LYN: variants seen among roughly 807,000 people sequenced by gnomAD.
The protein encoded by LYN is LYN proto-oncogene, Src family tyrosine kinase.
In LYN, 12 loss-of-function variants were observed where a neutral mutation model predicts 65.0. The ratio of observed to expected loss-of-function variants is 0.18; its 90% CI spans 0.12 to 0.30. The LOEUF (loss-of-function observed/expected upper bound fraction) is 0.30, where lower values mean the gene tolerates loss of function less well. Among genes scored for constraint, LYN ranks in the 10% least tolerant of loss-of-function variants. The probability of loss-of-function intolerance (pLI) is 1.00; values close to 1 mark genes in which losing one functional copy is unlikely to be tolerated. For missense variants in LYN, 380 were observed against 623.2 expected, an observed-to-expected ratio of 0.61 and a Z score of 4.16; for synonymous variants, 222 against 221.2, an observed-to-expected ratio of 1.00 and a Z score of -0.03.
intron 1 of LYN, among the ~76,000 whole-genome samples, chr8:55,931,299 G>A (rs1285551556): frequency 6.7e-6 from 1 of 150,104 alleles, no homozygotes. Flanking sequence ...TGTATAACTT[G>A]TCTATGTATT....
chr8:55,887,367 T>A (rs1804826723), intron 1 of LYN, among the ~76,000 whole-genome samples: 1 of 152,056 alleles, frequency 6.6e-6, no homozygotes, highest in African/African-American at 2.4e-5. Context: ...TATGGACACA[T>A]CATCTATAAA....
chr8:56,004,262 T>C (rs1259006828), intron 12 of LYN, among the ~76,000 whole-genome samples: 3 of 151,004 alleles, frequency 2.0e-5, no homozygotes, highest in African/African-American at 7.3e-5. Context: ...AAGTAATATA[T>C]GCACATTAAA....
At chr8:55,913,479 T>C (rs530490455) in intron 1 of LYN, among the ~76,000 whole-genome samples, 1 of 152,256 alleles carries the variant, frequency 6.6e-6, no homozygotes, top group East Asian at 1.9e-4. Flanking sequence ...AAACACCAAC[T>C]TGAATAAAAC....
Position 56,010,548 on chromosome 8 carries a change from T to A in LYN, c.*438T>A, listed in dbSNP as rs1488546515. The A allele has an allele frequency of 4.3e-6, 1 of 231,842 alleles. No homozygotes were observed. Among genetic ancestry groups the A allele is most frequent in the African/African-American group, 2.2e-5 (1 of 45,108 alleles). The allele number at this position is 231,842 out of a possible 1,614,324, so 14.4% of individuals were successfully genotyped here. A position where few individuals can be genotyped will look rare whatever the true frequency, so the allele number is the denominator to read the frequency against. The stretch of plus-strand genomic sequence containing the variant: ...CCGGATATATACATAGCATGACATT[T>A]CTTTGTGCTTTGGCTTACTTGTTTA... On this transcript the variant is annotated 3_prime_UTR_variant, in exon 13 of 13. Transcript: ENST00000519728.
intron 1 of LYN, among the ~76,000 whole-genome samples, chr8:55,921,629 G>C (rs1227196502): frequency 6.6e-6 from 1 of 152,132 alleles, no homozygotes; most frequent in African/African-American, 2.4e-5. Context: ...AGGAGTGCAT[G>C]AGCCAAGATG....
chr8:55,891,294 G>A (rs891630557), intron 1 of LYN, among the ~76,000 whole-genome samples: 1 of 151,600 alleles, frequency 6.6e-6, no homozygotes, highest in Non-Finnish European at 1.5e-5. Context: ...AGAGGTTGCA[G>A]TGAGTCGAGA....
intron 1 of LYN, among the ~76,000 whole-genome samples, chr8:55,906,072 C>G (rs1183174759): frequency 1.3e-5 from 2 of 152,166 alleles, no homozygotes; most frequent in Admixed American, 6.5e-5. Context: ...TGTGCAGTTA[C>G]GCAGCACCTG....
At chr8:55,924,612 C>G (rs549703253) in intron 1 of LYN, among the ~76,000 whole-genome samples, 30 of 151,954 alleles carry the variant, frequency 2.0e-4, no homozygotes, top group Non-Finnish European at 2.6e-4. Context: ...AATCCACCCC[C>G]CTTGGCCTCC....
chr8:55,920,061 A>C (rs530519145), intron 1 of LYN, among the ~76,000 whole-genome samples: 92 of 152,382 alleles, frequency 6.0e-4, no homozygotes, highest in African/African-American at 2.1e-3. Context: ...CAATTGAAAA[A>C]GACATCTGCA....
chr8:55,937,592 A>G (rs1221606234), intron 1 of LYN, among the ~76,000 whole-genome samples: 1 of 152,224 alleles, frequency 6.6e-6, no homozygotes, highest in Admixed American at 6.5e-5. Context: ...TGGAATTCCA[A>G]TGCAAGATTG....
intron 12 of LYN, among the ~76,000 whole-genome samples, chr8:56,005,561 C>T (rs955269707): frequency 1.3e-5 from 2 of 152,212 alleles, no homozygotes; most frequent in Admixed American, 1.3e-4. Context: ...TCTGCAGGCA[C>T]GTTGGTTGCA....
chr8:55,983,382 G>C (rs532748791), intron 10 of LYN, among the ~76,000 whole-genome samples: 1 of 152,126 alleles, frequency 6.6e-6, no homozygotes, highest in Non-Finnish European at 1.5e-5. Context: ...CCGCATTAGC[G>C]TTTTCCCTCA....
chr8:55,937,060 A>G (rs1806457822), intron 1 of LYN, among the ~76,000 whole-genome samples: 1 of 152,224 alleles, frequency 6.6e-6, no homozygotes, highest in African/African-American at 2.4e-5. Flanking sequence ...GATATTGCAA[A>G]GTCAGGCAAT....
chr8:55,941,401 C>T (rs1806608193), intron 1 of LYN, among the ~76,000 whole-genome samples: 1 of 152,208 alleles, frequency 6.6e-6, no homozygotes, highest in Non-Finnish European at 1.5e-5. Flanking sequence ...ATCTTGAGCT[C>T]ATGGTGGTTG....
At chr8:55,971,964 T>C (rs1807620056) in intron 10 of LYN, among the ~76,000 whole-genome samples, 1 of 152,134 alleles carries the variant, frequency 6.6e-6, no homozygotes. Flanking sequence ...CAGTTGACTC[T>C]CCTGTCAACT....
intron 8 of LYN, among the ~76,000 whole-genome samples, chr8:55,963,228 G>A (rs771787913): frequency 7.9e-5 from 12 of 152,220 alleles, no homozygotes; most frequent in Non-Finnish European, 1.5e-4. Flanking sequence ...TAGGGTGAGT[G>A]GGAGTGGATT....
chr8:55,998,581 T>C, intron 11 of LYN, 82 bp downstream of exon 11: 1 of 1,319,306 alleles, frequency 7.6e-7, no homozygotes, highest in South Asian at 1.3e-5. Flanking sequence ...GCAATTACAA[T>C]AGTCACCATT....
chr8:55,942,077 T>A, intron 2 of LYN, 86 bp downstream of exon 2: 4 of 1,389,644 alleles, frequency 2.9e-6, no homozygotes, highest in Non-Finnish European at 3.9e-6. Context: ...AATATGTGCA[T>A]GCAAAAAAAT....
At chr8:55,956,489 C>T (rs190519043) in intron 8 of LYN, among the ~76,000 whole-genome samples, 26 of 152,164 alleles carry the variant, frequency 1.7e-4, no homozygotes, top group Admixed American at 1.7e-3. Context: ...TAAAGTGATC[C>T]AAAAGTTTAA....
Sources: allele counts gnomAD v4.1 joint callset (sites outside exome capture counted in the v4.1 genomes callset), GRCh38; gene constraint gnomAD v4.1.1; transcripts MANE v1.5; gene names NCBI Gene and HGNC (gene_info 2026-07-23, HGNC 2026-07-21).